Variants in MROH9 observed in about 807,000 individuals in gnomAD.
MROH9 encodes the protein maestro heat like repeat family member 9.
Under a neutral mutation model 98.2 loss-of-function variants are expected in MROH9, and 92 were observed. The ratio of observed to expected loss-of-function variants is 0.94; its 90% confidence interval spans 0.79 to 1.11. The LOEUF (loss-of-function observed/expected upper bound fraction) is 1.11, where lower values mean the gene tolerates loss of function less well. Ranked by LOEUF, MROH9 falls within the 50% of genes most tolerant of loss-of-function variation. The pLI, the probability that MROH9 is intolerant of heterozygous loss-of-function variation, is 0.00. For synonymous variants in MROH9, 397 were observed against 368.9 expected, an observed-to-expected ratio of 1.08 and a Z score of -0.87; for missense variants, 1,057 against 1,014.8, an observed-to-expected ratio of 1.04 and a Z score of -0.57.
intron 17 of MROH9, among the ~76,000 whole-genome samples, chr1:171,021,372 A>G (rs531336680): frequency 1.3e-5 from 2 of 152,328 alleles, no homozygotes; most frequent in South Asian, 4.1e-4. Flanking sequence ...CTACAAGGCT[A>G]CAGTATCCAA....
At position 171,024,690 on chromosome 1, in the gene MROH9, G is replaced by A; in HGVS notation, c.2103G>A (p.Lys701=). 2.6e-6 allele frequency: 4 copies of A among 1,551,222 alleles called. No homozygotes were observed. The highest frequency in any genetic ancestry group is 2.4e-5 in the East Asian group (1 of 40,888). ...YTLKICTSQL[K]WSTSRLLKDE... is the part of the protein sequence containing the mutation. The stretch of plus-strand genomic sequence containing the variant: ...TAAAAATCTGTACCTCACAATTAAA[G>A]TGGTCAACATCACGTTTGCTCAAAG... The change falls in exon 19 of 22, where the codon AAG becomes AAA. Residue 701 remains lysine, a synonymous_variant. Coordinates refer to ENST00000367759, the MANE Select transcript of MROH9 (RefSeq NM_001163629.2).
intron 16 of MROH9, among the ~76,000 whole-genome samples, chr1:171,014,504 G>A (rs1055127211): frequency 2.7e-5 from 4 of 148,488 alleles, no homozygotes; most frequent in Non-Finnish European, 5.9e-5. Flanking sequence ...CACTCAGAAT[G>A]TATTTATCCT....
At chr1:170,962,646 A>G (rs988951112) in intron 6 of MROH9, among the ~76,000 whole-genome samples, 1 of 152,174 alleles carries the variant, frequency 6.6e-6, no homozygotes, top group Admixed American at 6.6e-5. Context: ...ACAAGTAAAG[A>G]AGCAGTATTG....
rs546793905 is a variant in MROH9 at position 171,007,272 on chromosome 1, G to C, written c.1597-6845G>C. On this transcript the variant is annotated intron_variant, in intron 15 of 21. Coordinates refer to ENST00000367759, the MANE Select transcript of MROH9 (RefSeq NM_001163629.2). ...GGTGTGTCTCTTCTCTGGTTCCTGGGTGAACTGGCCTAGCTCCAGGACCTT... is the reference window on the plus strand; with the variant it reads ...GGTGTGTCTCTTCTCTGGTTCCTGGCTGAACTGGCCTAGCTCCAGGACCTT... Among the ~76,000 whole-genome samples the C allele has an allele frequency of 2.6e-5, 4 of 152,278 alleles. No individual in the cohort carries two copies. The South Asian group carries it at 8.3e-4, about 32-fold the overall frequency.
intron 9 of MROH9, among the ~76,000 whole-genome samples, chr1:170,985,581 C>CT (rs1286645305): frequency 6.6e-6 from 1 of 152,186 alleles, no homozygotes; most frequent in Non-Finnish European, 1.5e-5. Flanking sequence ...TCTTCTACAA[C>CT]TTTTTAGATA....
rs138206721 is a variant in MROH9 at position 171,055,537 on chromosome 1, C to T, written c.2282-6595C>T. On this transcript the variant is annotated intron_variant, in intron 20 of 21. Coordinates refer to ENST00000367759, the MANE Select transcript of MROH9 (RefSeq NM_001163629.2). ...ACTTGGGAGGCTGAGGCAGTAGAATCGCTAGAATCTGGGAGGTGGAGGTTG... is the reference window on the plus strand; with the variant it reads ...ACTTGGGAGGCTGAGGCAGTAGAATTGCTAGAATCTGGGAGGTGGAGGTTG... 8.7e-5 allele frequency among the ~76,000 whole-genome samples: 13 copies of T among 149,284 alleles called. No individual in the cohort carries two copies. In the East Asian group the frequency reaches 2.6e-3, roughly 30 times the overall value.
intron 17 of MROH9, 83 bp from the exon 18 acceptor site, chr1:171,024,311 TG>T: frequency 2.3e-6 from 2 of 888,812 alleles, no homozygotes; most frequent in Non-Finnish European, 3.5e-6. Flanking sequence ...GGGGTGTGTG[TG>T]TGTGTGTGTG....
chr1:170,983,284 A>G, intron 8 of MROH9, 138 bp from the exon 9 acceptor site: 1 of 606,134 alleles, frequency 1.6e-6, no homozygotes, highest in South Asian at 2.2e-5. Context: ...ATGAGACTAA[A>G]CTATGAGCAG....
intron 20 of MROH9, among the ~76,000 whole-genome samples, chr1:171,032,604 A>C (rs1652959263): frequency 6.6e-6 from 1 of 151,878 alleles, no homozygotes; most frequent in African/African-American, 2.4e-5. Flanking sequence ...GTGCCTGGAG[A>C]TGTCACTCAA....
At chr1:170,951,970 A>T (rs1303679948) in intron 3 of MROH9, among the ~76,000 whole-genome samples, 1 of 151,980 alleles carries the variant, frequency 6.6e-6, no homozygotes, top group Non-Finnish European at 1.5e-5. Context: ...AAAAGAAGAC[A>T]TTTATGCAGC....
chr1:171,035,500 A>G (rs974023125), intron 20 of MROH9, among the ~76,000 whole-genome samples: 3 of 152,006 alleles, frequency 2.0e-5, no homozygotes, highest in Non-Finnish European at 4.4e-5. Context: ...TTAAAAGGCA[A>G]CCACCAAATG....
At chr1:171,019,144 G>A (rs891005575) in intron 17 of MROH9, among the ~76,000 whole-genome samples, 2 of 152,196 alleles carry the variant, frequency 1.3e-5, no homozygotes, top group African/African-American at 2.4e-5. Context: ...TCACATTAGA[G>A]CTCAGGATTA....
intron 17 of MROH9, among the ~76,000 whole-genome samples, chr1:171,020,990 T>TGC (rs1652497801): frequency 6.6e-6 from 1 of 152,132 alleles, no homozygotes; most frequent in African/African-American, 2.4e-5. Flanking sequence ...AGCCAAATCA[T>TGC]GAATGAACAC....
intron 20 of MROH9, among the ~76,000 whole-genome samples, chr1:171,045,536 T>G (rs1653448812): frequency 6.6e-6 from 1 of 152,162 alleles, no homozygotes; most frequent in South Asian, 2.1e-4. Context: ...TCTTCCTAAT[T>G]TATTGATTGA....
intron 3 of MROH9, among the ~76,000 whole-genome samples, chr1:170,953,516 A>G (rs1400848433): frequency 6.6e-6 from 1 of 152,066 alleles, no homozygotes; most frequent in African/African-American, 2.4e-5. Flanking sequence ...TGCAAGGTAA[A>G]GTATAAATTC....
At chr1:171,034,858 C>T (rs1653045906) in intron 20 of MROH9, among the ~76,000 whole-genome samples, 1 of 152,120 alleles carries the variant, frequency 6.6e-6, no homozygotes, top group South Asian at 2.1e-4. Context: ...GACAAACAGA[C>T]CTGTGGAACA....
chr1:170,935,993 A>C (rs1571427609), intron 1 of MROH9, among the ~76,000 whole-genome samples: 1 of 140,858 alleles, frequency 7.1e-6, no homozygotes, highest in African/African-American at 3.1e-5. Context: ...AAAAAAAAAA[A>C]AAAAAAAAAA....
chr1:170,940,378 T>C (rs1649076664), intron 1 of MROH9, among the ~76,000 whole-genome samples: 2 of 152,198 alleles, frequency 1.3e-5, no homozygotes, highest in South Asian at 4.1e-4. Context: ...GTCGCCAATA[T>C]AATGAACCAG....
At chr1:170,970,665 T>C (rs1487365304) in intron 7 of MROH9, among the ~76,000 whole-genome samples, 1 of 151,590 alleles carries the variant, frequency 6.6e-6, no homozygotes, top group Non-Finnish European at 1.5e-5. Flanking sequence ...ATGACCTAGA[T>C]GACCCAGGTC....
Sources: allele counts gnomAD v4.1 joint callset (sites outside exome capture counted in the v4.1 genomes callset), GRCh38; gene constraint gnomAD v4.1.1; transcripts MANE v1.5; gene names NCBI Gene and HGNC (gene_info 2026-07-23, HGNC 2026-07-21).